MYBL2: variants seen among roughly 807,000 people sequenced by gnomAD.
The protein encoded by MYBL2 is MYB proto-oncogene like 2.
Under a neutral mutation model 79.9 loss-of-function variants are expected in MYBL2, and 28 were observed. The ratio of observed to expected loss-of-function variants is 0.35; its 90% CI spans 0.26 to 0.48. MYBL2 has a LOEUF of 0.48. Among genes scored for constraint, MYBL2 ranks in the 20% least tolerant of loss-of-function variants. MYBL2 has a pLI of 0.99. For missense variants in MYBL2, 735 were observed against 893.9 expected, an observed-to-expected ratio of 0.82 and a Z score of 2.27; for synonymous variants, 378 against 361.2, an observed-to-expected ratio of 1.05 and a Z score of -0.53.
chr20:43,692,251 C>T lies in MYBL2; in HGVS notation c.595C>T (p.Pro199Ser). The change falls in exon 6 of 14, where the codon CCA becomes TCA. Residue 199 changes from proline (P) to serine (S), a missense_variant. Pro to Ser is a moderately conservative substitution (Grantham distance 74). Coordinates refer to ENST00000217026, the MANE Select transcript of MYBL2 (RefSeq NM_002466.4). Reference protein sequence around the residue: ...FLSESKDCKPPVYLLLELEDK... With the variant: ...FLSESKDCKPSVYLLLELEDK... Reference sequence around the variant, plus strand: ...GAGCGAGTCCAAAGACTGCAAGCCCCCAGTGTACTTGCTGCTGGAGCTCGA... The same window carrying T: ...GAGCGAGTCCAAAGACTGCAAGCCCTCAGTGTACTTGCTGCTGGAGCTCGA... The T allele has an allele frequency of 6.2e-7, 1 of 1,614,214 alleles. No homozygotes were observed. The highest frequency in any genetic ancestry group is 2.2e-5 in the East Asian group (1 of 44,892).
At chr20:43,710,258 C>G (rs778831842) in intron 10 of MYBL2, among the ~76,000 whole-genome samples, 196 bp downstream of exon 10, 6 of 152,182 alleles carry the variant, frequency 3.9e-5, no homozygotes, top group Non-Finnish European at 7.3e-5. Flanking sequence ...CTCCTGAGCA[C>G]CTGAGTTTGC....
At chr20:43,669,232 C>T (rs1222550390) in intron 1 of MYBL2, among the ~76,000 whole-genome samples, 2 of 152,158 alleles carry the variant, frequency 1.3e-5, no homozygotes, top group Non-Finnish European at 2.9e-5. Context: ...GAACTCCTGG[C>T]TTCCAGGGAT....
At chr20:43,699,682 G>T in intron 6 of MYBL2, 75 bp from the exon 7 acceptor site, 1 of 1,470,264 alleles carries the variant, frequency 6.8e-7, no homozygotes, top group Non-Finnish European at 9.2e-7. Flanking sequence ...GATTCAGGTT[G>T]TGTGGTTTAG....
intron 12 of MYBL2, among the ~76,000 whole-genome samples, chr20:43,714,478 C>T (rs564795809): frequency 1.6e-4 from 25 of 152,266 alleles, no homozygotes; most frequent in African/African-American, 5.8e-4. Flanking sequence ...CTGCACGGCA[C>T]CCATCCCAGG....
At position 43,673,913 on chromosome 20, in the gene MYBL2, G is replaced by T. The variant is rs1459152504; in HGVS notation, c.114+14G>T. The T allele has an allele frequency of 6.5e-7, 1 of 1,550,128 alleles. No homozygotes were observed. The highest frequency in any genetic ancestry group is 8.7e-7 in the Non-Finnish European group (1 of 1,145,630). ...ACCCATGAGGAGGTGAGTGCCATGG[G>T]GAAGAGAGGGTTGATGGCAGCTGGG... On this transcript the variant is annotated intron_variant, in intron 2 of 13. Transcript: ENST00000217026.
At chr20:43,675,795 A>C (rs1284792284) in intron 2 of MYBL2, among the ~76,000 whole-genome samples, 1 of 145,022 alleles carries the variant, frequency 6.9e-6, no homozygotes, top group Non-Finnish European at 1.5e-5. Flanking sequence ...GTTGTTTTTA[A>C]CTTTAGGTTC....
intron 1 of MYBL2, among the ~76,000 whole-genome samples, chr20:43,667,928 T>C (rs1986758707): frequency 6.6e-6 from 1 of 152,126 alleles, no homozygotes. Flanking sequence ...ACGAGGAGTT[T>C]TGGGCAGCTG....
intron 2 of MYBL2, among the ~76,000 whole-genome samples, chr20:43,677,520 A>G (rs1987038979): frequency 2.0e-5 from 3 of 152,386 alleles, no homozygotes; most frequent in African/African-American, 7.2e-5. Flanking sequence ...AGATCAGGAA[A>G]GGGGCTATAG....
chr20:43,683,320 C>T (rs1987186272), intron 4 of MYBL2, among the ~76,000 whole-genome samples: 1 of 152,148 alleles, frequency 6.6e-6, no homozygotes, highest in Non-Finnish European at 1.5e-5. Flanking sequence ...TTGATCGCCA[C>T]AGCAGTCCTG....
intron 2 of MYBL2, among the ~76,000 whole-genome samples, chr20:43,680,781 C>T (rs1281451183): frequency 6.6e-6 from 1 of 152,222 alleles, no homozygotes; most frequent in African/African-American, 2.4e-5. Flanking sequence ...GTGTGAGCCA[C>T]TGCGCCTGGC....
chr20:43,699,252 G>A (rs1384418270), intron 6 of MYBL2, among the ~76,000 whole-genome samples: 3 of 151,924 alleles, frequency 2.0e-5, no homozygotes, highest in Admixed American at 2.0e-4. Context: ...CACCATGTTG[G>A]CCAGGCTGAT....
chr20:43,713,112 G>T lies in MYBL2; in HGVS notation c.1824+6G>T, dbSNP rs774317398. Reference sequence around the variant, plus strand: ...TGCCCAAGTCTCTATCCTTGGTAAGGCTTCTGCTCCTTGGAACTGTTGAGT... The same window carrying T: ...TGCCCAAGTCTCTATCCTTGGTAAGTCTTCTGCTCCTTGGAACTGTTGAGT... On this transcript the variant is annotated splice_donor_region_variant and intron_variant, in intron 12 of 13. Coordinates refer to ENST00000217026, the MANE Select transcript of MYBL2 (RefSeq NM_002466.4). 1.9e-6 allele frequency: 3 copies of T among 1,608,326 alleles called. No homozygotes were observed. The highest frequency in any genetic ancestry group is 2.7e-5 in the African/African-American group (2 of 74,964).
In MYBL2 at chr20:43,706,719, G is replaced by GTTTTTTTTTTTT. The variant is rs71193702; in HGVS notation, c.1505+1364_1505+1375dup. Among the ~76,000 whole-genome samples the GTTTTTTTTTTTT allele has an allele frequency of 4.9e-3, 344 of 70,756 alleles. 72 individuals carry two copies. Among genetic ancestry groups the GTTTTTTTTTTTT allele is most frequent in the African/African-American group, 0.013 (220 of 16,754 alleles). The allele number at this position is 70,756 out of a possible 152,430, so 46.4% of individuals were successfully genotyped here. On this transcript the variant is annotated intron_variant, in intron 9 of 13. Coordinates refer to ENST00000217026, the MANE Select transcript of MYBL2 (RefSeq NM_002466.4). ...CTGTCTGTACACAAAAAAAAAAAAA[G>GTTTTTTTTTTTT]TTTTTTTTTTTTTTGAGATGGAGTC...
chr20:43,686,818 G>A (rs369644380), intron 4 of MYBL2, 34 bp from the exon 5 acceptor site: 19 of 1,601,378 alleles, frequency 1.2e-5, no homozygotes, highest in East Asian at 2.2e-5. Context: ...GAGAGGGGCC[G>A]GTGCAAGTGG....
At chr20:43,681,546 G>C (rs1433779874) in intron 2 of MYBL2, among the ~76,000 whole-genome samples, 4 of 152,172 alleles carry the variant, frequency 2.6e-5, no homozygotes, top group African/African-American at 9.7e-5. Context: ...CCCAGCAGGG[G>C]GTGGCTTTAC....
intron 4 of MYBL2, among the ~76,000 whole-genome samples, chr20:43,685,284 G>A (rs1987245727): frequency 6.6e-6 from 1 of 151,878 alleles, no homozygotes; most frequent in East Asian, 2.0e-4. Flanking sequence ...AGGGACAAGC[G>A]ATTTTCCTGC....
At chr20:43,687,444 G>T (rs929877213) in intron 5 of MYBL2, among the ~76,000 whole-genome samples, 2 of 152,160 alleles carry the variant, frequency 1.3e-5, no homozygotes, top group Non-Finnish European at 2.9e-5. Flanking sequence ...CTTTCTTTAA[G>T]AAGAAAATGA....
intron 2 of MYBL2, among the ~76,000 whole-genome samples, chr20:43,676,245 C>T (rs1264857844): frequency 6.6e-6 from 1 of 151,646 alleles, no homozygotes; most frequent in East Asian, 1.9e-4. Flanking sequence ...TGATCCTCAT[C>T]CTCCTCCCAC....
At chr20:43,682,000 C>A (rs559162815) in intron 3 of MYBL2, 145 bp downstream of exon 3, 2 of 767,364 alleles carry the variant, frequency 2.6e-6, no homozygotes, top group East Asian at 2.7e-5. Flanking sequence ...GGCAAATGGA[C>A]CTTTGTAGGA....
Sources: allele counts gnomAD v4.1 joint callset (sites outside exome capture counted in the v4.1 genomes callset), GRCh38; gene constraint gnomAD v4.1.1; transcripts MANE v1.5; gene names NCBI Gene and HGNC (gene_info 2026-07-23, HGNC 2026-07-21).